Variants in SOX5 observed in about 807,000 individuals in gnomAD.
SOX5 encodes the protein transcription factor SOX-5.
Under a neutral mutation model 92.0 loss-of-function variants are expected in SOX5, and 9 were observed. The observed-to-expected ratio is 0.10, with a 90% CI of 0.06 to 0.17. The LOEUF is 0.17. Among genes scored for constraint, SOX5 ranks in the 10% least tolerant of loss-of-function variants. The pLI, the probability that SOX5 is intolerant of heterozygous loss-of-function variation, is 1.00. For missense variants in SOX5, 642 were observed against 944.5 expected, an observed-to-expected ratio of 0.68 and a Z score of 4.20; for synonymous variants, 344 against 336.3, an observed-to-expected ratio of 1.02 and a Z score of -0.25.
At chr12:23,809,489 A>T (rs142278712) in intron 3 of SOX5, among the ~76,000 whole-genome samples, 2 of 152,032 alleles carry the variant, frequency 1.3e-5, no homozygotes, top group African/African-American at 4.8e-5. Context: ...ATTATAAAGT[A>T]GCCCCAAATT....
At chr12:23,885,020 G>A (rs898344997) in intron 2 of SOX5, among the ~76,000 whole-genome samples, 1 of 152,096 alleles carries the variant, frequency 6.6e-6, no homozygotes, top group African/African-American at 2.4e-5. Flanking sequence ...ATGACCCTGG[G>A]GAAATCAGAA....
At chr12:23,983,340 T>C (rs905629085) in intron 4 of SOX5, among the ~76,000 whole-genome samples, 7 of 152,166 alleles carry the variant, frequency 4.6e-5, no homozygotes, top group Admixed American at 3.3e-4. Flanking sequence ...GCTCAAATCA[T>C]GCTTTCTGAT....
At chr12:24,055,078 A>G (rs1384643908) in intron 4 of SOX5, among the ~76,000 whole-genome samples, 2 of 152,240 alleles carry the variant, frequency 1.3e-5, no homozygotes, top group African/African-American at 2.4e-5. Context: ...GGATAAAAAG[A>G]TAGCTTTTAT....
chr12:23,614,721 A>G (rs2076350275), intron 8 of SOX5, among the ~76,000 whole-genome samples: 1 of 152,194 alleles, frequency 6.6e-6, no homozygotes, highest in Non-Finnish European at 1.5e-5. Flanking sequence ...TTACCTTCTA[A>G]GGAAATTGTC....
intron 2 of SOX5, among the ~76,000 whole-genome samples, chr12:24,330,561 C>G (rs1951191024): frequency 6.6e-6 from 1 of 152,192 alleles, no homozygotes; most frequent in Non-Finnish European, 1.5e-5. Flanking sequence ...GCCATGATAT[C>G]CTGTATTAGC....
At chr12:23,623,405 G>T (rs1026907418) in intron 8 of SOX5, among the ~76,000 whole-genome samples, 1 of 151,878 alleles carries the variant, frequency 6.6e-6, no homozygotes, top group Non-Finnish European at 1.5e-5. Context: ...CAATACCATG[G>T]GGCAGGAAAT....
chr12:24,334,459 C>G (rs925524223), intron 2 of SOX5, among the ~76,000 whole-genome samples: 1 of 152,064 alleles, frequency 6.6e-6, no homozygotes, highest in Non-Finnish European at 1.5e-5. Flanking sequence ...TTTAGCTTCA[C>G]TAAAAATCAA....
chr12:23,855,902 G>A (rs887281937), intron 2 of SOX5, among the ~76,000 whole-genome samples: 4 of 152,046 alleles, frequency 2.6e-5, no homozygotes, highest in Non-Finnish European at 4.4e-5. Flanking sequence ...TTAAAAAAGA[G>A]CTAAAGACCT....
intron 4 of SOX5, among the ~76,000 whole-genome samples, chr12:24,044,990 G>A (rs1956861600): frequency 6.6e-6 from 1 of 152,164 alleles, no homozygotes; most frequent in African/African-American, 2.4e-5. Flanking sequence ...CAGAAGTCTG[G>A]ATATGCTTCT....
chr12:24,469,876 G>A (rs1310187911), intron 1 of SOX5, among the ~76,000 whole-genome samples: 1 of 152,036 alleles, frequency 6.6e-6, no homozygotes, highest in Non-Finnish European at 1.5e-5. Flanking sequence ...CATTACTACT[G>A]AAAAGGAAAT....
intron 4 of SOX5, among the ~76,000 whole-genome samples, chr12:24,148,856 C>T (rs556469479): frequency 7.8e-6 from 1 of 128,746 alleles, no homozygotes; most frequent in Non-Finnish European, 1.6e-5. Context: ...CACCATTGCA[C>T]CACAGCCTGG....
chr12:23,821,301 T>C (rs374027727), intron 3 of SOX5, among the ~76,000 whole-genome samples: 12 of 152,244 alleles, frequency 7.9e-5, no homozygotes, highest in East Asian at 7.7e-4. Context: ...CTGAAGTTGC[T>C]CATCAGCTTA....
chr12:24,165,620 T>C (rs1443158935), intron 4 of SOX5, among the ~76,000 whole-genome samples: 1 of 152,102 alleles, frequency 6.6e-6, no homozygotes, highest in African/African-American at 2.4e-5. Flanking sequence ...TCTTACAGTC[T>C]GAAAGGAAGT....
At chr12:24,490,672 C>T (rs538751433) in intron 1 of SOX5, among the ~76,000 whole-genome samples, 24 of 152,106 alleles carry the variant, frequency 1.6e-4, no homozygotes, top group African/African-American at 5.3e-4. Context: ...GATACACACA[C>T]CATATTTTTT....
chr12:24,118,782 A>G (rs941042268), intron 4 of SOX5, among the ~76,000 whole-genome samples: 1 of 152,198 alleles, frequency 6.6e-6, no homozygotes, highest in African/African-American at 2.4e-5. Context: ...ACAGGAGGAT[A>G]TACCAATACC....
At chr12:24,559,591 T>TAA (rs78401107) in intron 1 of SOX5, among the ~76,000 whole-genome samples, 1 of 143,942 alleles carries the variant, frequency 6.9e-6, no homozygotes. Flanking sequence ...GCTTTGTAAG[T>TAA]AAAAAAAAAA....
intron 2 of SOX5, among the ~76,000 whole-genome samples, chr12:23,852,748 G>T (rs993640131): frequency 6.6e-6 from 1 of 151,992 alleles, no homozygotes; most frequent in Non-Finnish European, 1.5e-5. Context: ...ATTCGCAAAC[G>T]GTGGTCCTCA....
chr12:24,476,056 C>A (rs1945347005), intron 1 of SOX5, among the ~76,000 whole-genome samples: 1 of 151,528 alleles, frequency 6.6e-6, no homozygotes, highest in African/African-American at 2.4e-5. Flanking sequence ...GGAGGGAAAG[C>A]CAGTGCTATA....
At chr12:24,116,195 A>T (rs566894367) in intron 4 of SOX5, among the ~76,000 whole-genome samples, 194 of 152,290 alleles carry the variant, frequency 1.3e-3, no homozygotes, top group African/African-American at 4.3e-3. Context: ...AACTGTGTGT[A>T]TAACAATAGA....
Sources: allele counts gnomAD v4.1 joint callset (sites outside exome capture counted in the v4.1 genomes callset), GRCh38; gene constraint gnomAD v4.1.1; transcripts MANE v1.5; gene names NCBI Gene and HGNC (gene_info 2026-07-23, HGNC 2026-07-21).